CDH13: variants seen among roughly 807,000 people sequenced by gnomAD.
CDH13 encodes cadherin 13.
A neutral mutation model predicts 63.8 loss-of-function variants in CDH13; 24 were observed. The observed-to-expected ratio is 0.38, with a 90% CI of 0.27 to 0.53. The LOEUF is 0.53. CDH13 is among the 20% of genes least tolerant of loss of function. CDH13 has a pLI of 0.85. For synonymous variants in CDH13, 503 were observed against 355.3 expected (o/e 1.42, Z -4.67); for missense variants, 1,049 against 903.1 (o/e 1.16, Z -2.07).
chr16:83,436,921 G>C (rs2072322298), intron 6 of CDH13, among the ~76,000 whole-genome samples: 1 of 152,154 alleles, frequency 6.6e-6, no homozygotes, highest in Non-Finnish European at 1.5e-5. Flanking sequence ...CTCCATCAGA[G>C]TCTCCATCAG....
intron 2 of CDH13, among the ~76,000 whole-genome samples, chr16:82,885,895 C>G (rs938997875): frequency 1.3e-5 from 2 of 152,232 alleles, no homozygotes; most frequent in East Asian, 1.9e-4. Context: ...AGATACTTGA[C>G]AAAGTGCCTG....
At chr16:83,469,991 C>A (rs1232999270) in intron 6 of CDH13, among the ~76,000 whole-genome samples, 6 of 152,268 alleles carry the variant, frequency 3.9e-5, no homozygotes, top group African/African-American at 1.4e-4. Context: ...TCATAAATTT[C>A]TTTTACTTGG....
intron 7 of CDH13, among the ~76,000 whole-genome samples, chr16:83,566,943 C>G (rs1482137714): frequency 6.6e-6 from 1 of 152,176 alleles, no homozygotes; most frequent in African/African-American, 2.4e-5. Context: ...TCATCCCTCA[C>G]CTATTCTTTC....
At chr16:83,132,113 G>C (rs2036080550) in intron 4 of CDH13, among the ~76,000 whole-genome samples, 1 of 152,086 alleles carries the variant, frequency 6.6e-6, no homozygotes, top group African/African-American at 2.4e-5. Flanking sequence ...AATTTAATTT[G>C]TTTTATTCTA....
At chr16:83,058,525 A>G (rs4275838) in intron 3 of CDH13, among the ~76,000 whole-genome samples, 1 of 152,132 alleles carries the variant, frequency 6.6e-6, no homozygotes, top group South Asian at 2.1e-4. Context: ...CTCTTGTCCA[A>G]ATTCCAACCA....
chr16:82,645,993 A>G (rs1172667596), intron 1 of CDH13, among the ~76,000 whole-genome samples: 2 of 152,230 alleles, frequency 1.3e-5, no homozygotes, highest in African/African-American at 2.4e-5. Context: ...AAGTATTTGC[A>G]TCTCTACTGG....
At chr16:83,754,796 T>C (rs954981779) in intron 11 of CDH13, among the ~76,000 whole-genome samples, 2 of 152,182 alleles carry the variant, frequency 1.3e-5, no homozygotes, top group Non-Finnish European at 2.9e-5. Context: ...AACCTCTTTC[T>C]TTTTTAAATT....
chr16:82,937,016 G>T (rs1194322870), intron 2 of CDH13, among the ~76,000 whole-genome samples: 1 of 152,088 alleles, frequency 6.6e-6, no homozygotes. Flanking sequence ...CAAACCACAG[G>T]CTGGTGTTTA....
intron 6 of CDH13, among the ~76,000 whole-genome samples, chr16:83,460,166 G>C (rs1314726918): frequency 6.6e-6 from 1 of 152,148 alleles, no homozygotes; most frequent in Non-Finnish European, 1.5e-5. Flanking sequence ...ATTGGCCATT[G>C]CTAAAATTCC....
chr16:83,647,261 G>A (rs1356654349), intron 8 of CDH13, among the ~76,000 whole-genome samples: 2 of 146,958 alleles, frequency 1.4e-5, no homozygotes, highest in East Asian at 4.0e-4. Flanking sequence ...AGTGAACCGA[G>A]ATCATGCCAC....
At chr16:82,803,589 A>G (rs1567551507) in intron 1 of CDH13, among the ~76,000 whole-genome samples, 1 of 152,218 alleles carries the variant, frequency 6.6e-6, no homozygotes, top group East Asian at 1.9e-4. Context: ...TATAGGATGA[A>G]AAGAAGAATA....
At chr16:83,627,581 C>T (rs1458458902) in intron 8 of CDH13, among the ~76,000 whole-genome samples, 1 of 152,114 alleles carries the variant, frequency 6.6e-6, no homozygotes, top group Non-Finnish European at 1.5e-5. Context: ...GACAGGGTCT[C>T]ACTCTGTCAC....
intron 6 of CDH13, among the ~76,000 whole-genome samples, chr16:83,426,689 A>G (rs534528151): frequency 2.6e-5 from 4 of 152,182 alleles, no homozygotes; most frequent in African/African-American, 9.6e-5. Context: ...GGTGCTTGGC[A>G]TGTAGATAGA....
chr16:83,076,919 G>A (rs771809453), intron 3 of CDH13, among the ~76,000 whole-genome samples: 2 of 151,526 alleles, frequency 1.3e-5, no homozygotes, highest in Non-Finnish European at 3.0e-5. Context: ...GGCAAAAACC[G>A]CAATTACTTT....
intron 7 of CDH13, among the ~76,000 whole-genome samples, chr16:83,520,197 C>T (rs1052492163): frequency 2.0e-5 from 3 of 152,138 alleles, no homozygotes; most frequent in African/African-American, 4.8e-5. Context: ...TAGAGGTAAA[C>T]AGTGATGAAA....
At chr16:83,089,246 C>T (rs1028241326) in intron 3 of CDH13, among the ~76,000 whole-genome samples, 2 of 152,224 alleles carry the variant, frequency 1.3e-5, no homozygotes, top group Non-Finnish European at 2.9e-5. Flanking sequence ...CCACTAACGT[C>T]ACATCTCTAT....
intron 6 of CDH13, among the ~76,000 whole-genome samples, chr16:83,394,444 C>T (rs147246889): frequency 6.6e-6 from 1 of 152,064 alleles, no homozygotes; most frequent in Non-Finnish European, 1.5e-5. Context: ...CATGCAAAGT[C>T]CCTGAGGCAG....
At chr16:83,366,216 G>A (rs561321060) in intron 6 of CDH13, among the ~76,000 whole-genome samples, 2 of 152,246 alleles carry the variant, frequency 1.3e-5, no homozygotes, top group South Asian at 2.1e-4. Context: ...GTTTTCAAAT[G>A]AATTACCAAC....
chr16:83,408,507 A>G (rs535390411), intron 6 of CDH13, among the ~76,000 whole-genome samples: 4 of 152,324 alleles, frequency 2.6e-5, no homozygotes, highest in African/African-American at 9.6e-5. Flanking sequence ...ATAACACAAC[A>G]GTAAATATGT....
Sources: allele counts gnomAD v4.1 joint callset (sites outside exome capture counted in the v4.1 genomes callset), GRCh38; gene constraint gnomAD v4.1.1; transcripts MANE v1.5; gene names NCBI Gene and HGNC (gene_info 2026-07-23, HGNC 2026-07-21).